RAB38: variants seen among roughly 807,000 people sequenced by gnomAD.
The protein encoded by RAB38 is RAB38, member RAS oncogene family, also known as ras-related protein Rab-38.
Under a neutral mutation model 18.4 loss-of-function variants are expected in RAB38, and 15 were observed. That is an observed-to-expected ratio of 0.82 (90% CI 0.55 to 1.26). RAB38 has a LOEUF of 1.26. RAB38 is among the 50% of genes most tolerant of loss of function. The probability of loss-of-function intolerance (pLI) is 0.00; values close to 1 mark genes in which losing one functional copy is unlikely to be tolerated. For missense variants in RAB38, 294 were observed against 267.4 expected, an observed-to-expected ratio of 1.10 and a Z score of -0.69; for synonymous variants, 101 against 104.4, an observed-to-expected ratio of 0.97 and a Z score of 0.20.
At chr11:88,026,549 C>T in the RAB38 span, among the ~76,000 whole-genome samples, 14 of 113,504 alleles carry the variant, frequency 1.2e-4, no homozygotes, top group Admixed American at 1.3e-4. Flanking sequence ...GGCTACAGAG[C>T]GAGACTCTGT....
chr11:87,876,115 T>C, the RAB38 span, among the ~76,000 whole-genome samples: 4 of 151,608 alleles, frequency 2.6e-5, no homozygotes, highest in Non-Finnish European at 5.9e-5. Context: ...TCCTCTAATA[T>C]TTCAATATAG....
the RAB38 span, among the ~76,000 whole-genome samples, chr11:87,851,647 G>A: frequency 6.6e-6 from 1 of 152,112 alleles, no homozygotes; most frequent in Non-Finnish European, 1.5e-5. Context: ...GGGAGGGAGG[G>A]TAGTTTCCAC....
chr11:87,903,478 A>C, the RAB38 span, among the ~76,000 whole-genome samples: 1 of 151,618 alleles, frequency 6.6e-6, no homozygotes, highest in Admixed American at 6.6e-5. Flanking sequence ...TTTGTAAAGA[A>C]CTTCTGAACC....
At chr11:87,808,312 T>C in the RAB38 span, among the ~76,000 whole-genome samples, 1 of 152,112 alleles carries the variant, frequency 6.6e-6, no homozygotes, top group Non-Finnish European at 1.5e-5. Flanking sequence ...AACCTAAGTG[T>C]CCACTAACAG....
At position 88,138,806 on chromosome 11, in the gene RAB38, G is replaced by A. The variant is rs568603323; in HGVS notation, c.483+10869C>T. Among the ~76,000 whole-genome samples the A allele has an allele frequency of 2.0e-4, 30 of 149,486 alleles. 1 individual carries two copies. Among genetic ancestry groups the A allele is most frequent in the South Asian group, 1.7e-3 (8 of 4,760 alleles). ...TTTTTTTTATTATTTTTTTTGAGGC[G>A]GAGTCTTGCTCTGTCGCCCAGGCTG... On this transcript the variant is annotated intron_variant, in intron 2 of 2. Coordinates refer to ENST00000243662, the MANE Select transcript of RAB38 (RefSeq NM_022337.3).
the RAB38 span, among the ~76,000 whole-genome samples, chr11:88,080,332 G>A: frequency 6.6e-6 from 1 of 151,902 alleles, no homozygotes; most frequent in African/African-American, 2.4e-5. Context: ...TAATAAATAT[G>A]CAACATTCAT....
chr11:87,977,760 T>TAGTTATATA, the RAB38 span, among the ~76,000 whole-genome samples: 1 of 56,250 alleles, frequency 1.8e-5, no homozygotes, highest in South Asian at 6.1e-4. Context: ...TATATATATA[T>TAGTTATATA]TATATTATAG....
At chr11:88,026,151 G>C in the RAB38 span, among the ~76,000 whole-genome samples, 1 of 151,970 alleles carries the variant, frequency 6.6e-6, no homozygotes, top group African/African-American at 2.4e-5. Context: ...TTTTAGTAGA[G>C]ACAGGGTTTC....
the RAB38 span, among the ~76,000 whole-genome samples, chr11:87,976,574 AATAT>A: frequency 2.5e-5 from 3 of 120,208 alleles, no homozygotes; most frequent in Non-Finnish European, 3.2e-5. Flanking sequence ...CTATACAATA[AATAT>A]ATATATTTTA....
intron 1 of RAB38, among the ~76,000 whole-genome samples, chr11:88,170,513 T>C (rs1055697483): frequency 6.6e-6 from 1 of 152,166 alleles, no homozygotes; most frequent in Non-Finnish European, 1.5e-5. Flanking sequence ...CTTCACAAAC[T>C]CTAAAACAAC....
At chr11:88,008,824 C>G in the RAB38 span, among the ~76,000 whole-genome samples, 9 of 152,200 alleles carry the variant, frequency 5.9e-5, no homozygotes, top group Admixed American at 6.5e-5. Flanking sequence ...CAGGCACCTG[C>G]CACCACGCCC....
At chr11:88,134,213 C>T (rs1942803406) in intron 2 of RAB38, among the ~76,000 whole-genome samples, 1 of 152,030 alleles carries the variant, frequency 6.6e-6, no homozygotes, top group African/African-American at 2.4e-5. Context: ...TATCTCAGGA[C>T]CCCATTCAAA....
chr11:88,063,182 A>G, the RAB38 span, among the ~76,000 whole-genome samples: 5 of 152,326 alleles, frequency 3.3e-5, no homozygotes, highest in Non-Finnish European at 5.9e-5. Flanking sequence ...TCTATAATAT[A>G]ACTTTATGAT....
chr11:87,962,755 G>A, the RAB38 span, among the ~76,000 whole-genome samples: 1 of 152,134 alleles, frequency 6.6e-6, no homozygotes. Context: ...TTATTGCACA[G>A]CGTGCTGACT....
At chr11:87,811,303 T>C in the RAB38 span, among the ~76,000 whole-genome samples, 7 of 152,194 alleles carry the variant, frequency 4.6e-5, no homozygotes, top group African/African-American at 1.7e-4. Context: ...CACTAAAATG[T>C]CAGTAGCTGT....
chr11:87,911,876 G>T, the RAB38 span, among the ~76,000 whole-genome samples: 1 of 151,766 alleles, frequency 6.6e-6, no homozygotes, highest in Admixed American at 6.6e-5. Flanking sequence ...TTTATCAATT[G>T]GAAGAAATTC....
chr11:87,841,299 C>A, the RAB38 span, among the ~76,000 whole-genome samples: 1 of 152,044 alleles, frequency 6.6e-6, no homozygotes, highest in African/African-American at 2.4e-5. Context: ...AGTGAGGGAG[C>A]TTTCACGAGA....
chr11:87,923,693 T>A, the RAB38 span, among the ~76,000 whole-genome samples: 1 of 151,798 alleles, frequency 6.6e-6, no homozygotes, highest in African/African-American at 2.4e-5. Context: ...AAAGAAGAAG[T>A]CGGTGCTTTG....
At chr11:88,163,168 T>C (rs542155332) in intron 1 of RAB38, among the ~76,000 whole-genome samples, 1 of 152,228 alleles carries the variant, frequency 6.6e-6, no homozygotes, top group South Asian at 2.1e-4. Flanking sequence ...TTGAGTCCAG[T>C]GTAGAATTAC....
Sources: allele counts gnomAD v4.1 joint callset (sites outside exome capture counted in the v4.1 genomes callset), GRCh38; gene constraint gnomAD v4.1.1; transcripts MANE v1.5; gene names NCBI Gene and HGNC (gene_info 2026-07-23, HGNC 2026-07-21).